The following TXNRD1 variants were observed in gnomAD, a reference collection of about 807,000 sequenced individuals.
TXNRD1 encodes the protein thioredoxin reductase 1, also known as thioredoxin reductase 1, cytoplasmic.
In TXNRD1, 57 loss-of-function variants were observed where a neutral mutation model predicts 80.3. The ratio of observed to expected loss-of-function variants is 0.71; its 90% CI spans 0.57 to 0.89. TXNRD1 has a LOEUF of 0.89. TXNRD1 is among the 40% of genes least tolerant of loss of function. The pLI is 0.00. For synonymous variants in TXNRD1, 291 were observed against 285.2 expected (o/e 1.02, Z -0.20); for missense variants, 730 against 803.0 (o/e 0.91, Z 1.10).
At position 104,248,484 on chromosome 12, in the gene TXNRD1, C is replaced by T. The variant is rs145781154; in HGVS notation, c.92-3043C>T. Among the ~76,000 whole-genome samples, 14 of 152,274 alleles carry T rather than the reference C, an allele frequency of 9.2e-5. No homozygotes were observed. In the East Asian group the frequency reaches 2.7e-3, roughly 29 times the overall value. On this transcript the variant is annotated intron_variant, in intron 1 of 16. Transcript: ENST00000525566. The stretch of plus-strand genomic sequence containing the variant: ...ATTTTAAGTAGAGATGGGGTTTCAC[C>T]ATGTTGGTCGGGCTGGTCTCAAACT...
chr12:104,267,528 T>G (rs929057068), intron 3 of TXNRD1, among the ~76,000 whole-genome samples: 2 of 151,738 alleles, frequency 1.3e-5, no homozygotes, highest in Non-Finnish European at 2.9e-5. Context: ...TTTCCTTTCC[T>G]TTCCTTTCTT....
rs772958586 is a variant in TXNRD1 at position 104,315,809 on chromosome 12, A to G, written c.643A>G (p.Ile215Val). The stretch of plus-strand genomic sequence containing the variant: ...AGGAACATGTGTGAATGTGGGTTGC[A>G]TACCTAAAAAACTGATGCATCAAGC... Reference protein sequence around the residue: ...LGGTCVNVGCIPKKLMHQAAL... With the variant: ...LGGTCVNVGCVPKKLMHQAAL... The change falls in exon 7 of 17, where the codon ATA becomes GTA. Residue 215 changes from isoleucine to valine, a missense_variant. Coordinates refer to ENST00000525566, the MANE Select transcript of TXNRD1 (RefSeq NM_001093771.3). 8 of 1,612,122 alleles carry G rather than the reference A, an allele frequency of 5.0e-6. No individual in the cohort carries two copies. Among genetic ancestry groups the G allele is most frequent in the African/African-American group, 1.3e-5 (1 of 75,002 alleles).
At chr12:104,299,443 A>T (rs2034543034) in intron 4 of TXNRD1, among the ~76,000 whole-genome samples, 1 of 152,138 alleles carries the variant, frequency 6.6e-6, no homozygotes, top group South Asian at 2.1e-4. Context: ...CAAAATATAT[A>T]CACACAAACA....
chr12:104,287,168 G>C (rs2033996627), intron 3 of TXNRD1: 1 of 1,566,588 alleles, frequency 6.4e-7, no homozygotes, highest in Admixed American at 1.8e-5. Flanking sequence ...GGGAGCACGC[G>C]GGGGACGGCC....
Position 104,280,899 on chromosome 12 carries a change from A to C in TXNRD1, c.305-8032A>C, listed in dbSNP as rs147923733. On this transcript the variant is annotated intron_variant, in intron 3 of 16. Coordinates refer to ENST00000525566, the MANE Select transcript of TXNRD1 (RefSeq NM_001093771.3). ...AAAAAGAAAAGAAAAAAATCTCTCT[A>C]TATATACATGTATCCTATTGGTTCT... Among the ~76,000 whole-genome samples the C allele has an allele frequency of 4.8e-4, 73 of 152,290 alleles. 2 individuals carry two copies. The highest frequency in any genetic ancestry group is 1.6e-3 in the African/African-American group (67 of 41,564).
chr12:104,254,644 A>AAAAATATATATATATATATAT, intron 2 of TXNRD1, among the ~76,000 whole-genome samples: 10 of 93,636 alleles, frequency 1.1e-4, no homozygotes, highest in African/African-American at 2.1e-4. Context: ...AAAAAAAAAA[A>AAAAATATATATATATATATAT]ATATATATAT....
intron 4 of TXNRD1, among the ~76,000 whole-genome samples, chr12:104,305,612 AAGTT>A (rs1211107906): frequency 2.6e-5 from 4 of 152,366 alleles, no homozygotes; most frequent in African/African-American, 9.6e-5. Context: ...GAATTGTTAG[AAGTT>A]AGGCACGAGA....
intron 15 of TXNRD1, among the ~76,000 whole-genome samples, chr12:104,338,216 A>G (rs183895678): frequency 1.5e-4 from 23 of 151,914 alleles, no homozygotes; most frequent in Admixed American, 5.9e-4. Context: ...ATTTTCCAGA[A>G]CATTTTGGTG....
intron 5 of TXNRD1, among the ~76,000 whole-genome samples, chr12:104,312,000 A>G (rs925741157): frequency 7.1e-5 from 3 of 42,044 alleles, no homozygotes; most frequent in South Asian, 8.1e-4. Context: ...ATATATATAT[A>G]TGTGTATATA....
chr12:104,261,720 T>A (rs1199363139), intron 3 of TXNRD1, among the ~76,000 whole-genome samples: 3 of 152,124 alleles, frequency 2.0e-5, no homozygotes, highest in African/African-American at 7.2e-5. Context: ...CTAAAAAAAT[T>A]CAAAAAAATG....
In TXNRD1 at chr12:104,246,082, CAGCCTGG is replaced by C. The variant is rs1218122216; in HGVS notation, c.92-5437_92-5431del. On this transcript the variant is annotated intron_variant, in intron 1 of 16. Coordinates refer to ENST00000525566, the MANE Select transcript of TXNRD1 (RefSeq NM_001093771.3). ...GAGCTGAGATCGCGCCGCTGCACTC[CAGCCTGG>C]AGCCTGGGCGATACAGCGAGACTCT... Among the ~76,000 whole-genome samples, 353 of 137,710 alleles carry C rather than the reference CAGCCTGG, an allele frequency of 2.6e-3. 1 individual carries two copies. The highest frequency in any genetic ancestry group is 8.8e-3 in the African/African-American group (319 of 36,062). 90.3% of individuals were successfully genotyped at this position (137,710 alleles called of 152,430 possible).
chr12:104,230,892 C>T (rs2032607087), intron 1 of TXNRD1, among the ~76,000 whole-genome samples: 1 of 152,112 alleles, frequency 6.6e-6, no homozygotes, highest in African/African-American at 2.4e-5. Context: ...CACACCCTAG[C>T]CTTTTAATAT....
intron 1 of TXNRD1, among the ~76,000 whole-genome samples, chr12:104,249,931 G>T (rs1015484005): frequency 8.7e-5 from 6 of 69,088 alleles, no homozygotes; most frequent in Non-Finnish European, 1.0e-4. Context: ...GCGAGACGCC[G>T]TCTCAAAAAA....
At chr12:104,254,644 A>AAAAAAAAAAATATATAT in intron 2 of TXNRD1, among the ~76,000 whole-genome samples, 4 of 93,634 alleles carry the variant, frequency 4.3e-5, no homozygotes, top group African/African-American at 1.0e-4. Flanking sequence ...AAAAAAAAAA[A>AAAAAAAAAAATATATAT]ATATATATAT....
intron 1 of TXNRD1, among the ~76,000 whole-genome samples, chr12:104,221,404 A>G (rs776127576): frequency 1.3e-5 from 2 of 152,074 alleles, no homozygotes; most frequent in Non-Finnish European, 2.9e-5. Context: ...TGCAAACTCC[A>G]TCTCCTGGGT....
At chr12:104,314,061 A>G (rs183968604) in intron 6 of TXNRD1, among the ~76,000 whole-genome samples, 40 of 152,308 alleles carry the variant, frequency 2.6e-4, no homozygotes, top group Non-Finnish European at 5.1e-4. Flanking sequence ...AGGATAGCAC[A>G]TACAAAGGCC....
intron 4 of TXNRD1, among the ~76,000 whole-genome samples, chr12:104,292,207 G>A (rs1262954694): frequency 6.6e-6 from 1 of 152,168 alleles, no homozygotes; most frequent in African/African-American, 2.4e-5. Context: ...GAAGAAGTTG[G>A]TGAGCCTAGG....
chr12:104,270,917 G>T (rs570272582), intron 3 of TXNRD1, among the ~76,000 whole-genome samples: 5 of 151,994 alleles, frequency 3.3e-5, no homozygotes, highest in Non-Finnish European at 5.9e-5. Context: ...GGGAGGCCGA[G>T]GGGGGTGGAT....
intron 1 of TXNRD1, among the ~76,000 whole-genome samples, chr12:104,220,758 A>G (rs2032334691): frequency 6.7e-6 from 1 of 148,662 alleles, no homozygotes; most frequent in Admixed American, 6.7e-5. Flanking sequence ...GGGAGGCGGT[A>G]TTTTAGATTT....
Sources: allele counts gnomAD v4.1 joint callset (sites outside exome capture counted in the v4.1 genomes callset), GRCh38; gene constraint gnomAD v4.1.1; transcripts MANE v1.5; gene names NCBI Gene and HGNC (gene_info 2026-07-23, HGNC 2026-07-21).